Variants in ACVR1C observed in about 807,000 individuals in gnomAD.
ACVR1C encodes the protein activin A receptor type 1C, also known as activin receptor type-1C.
A neutral mutation model predicts 57.9 loss-of-function variants in ACVR1C; 23 were observed. That is an observed-to-expected ratio of 0.40 (90% CI 0.29 to 0.56). ACVR1C has a LOEUF of 0.56. Ranked by LOEUF, ACVR1C falls within the 20% of genes least tolerant of loss-of-function variation. ACVR1C has a pLI of 0.50. For missense variants in ACVR1C, 480 were observed against 607.9 expected (o/e 0.79, Z 2.21); for synonymous variants, 214 against 215.3 (o/e 0.99, Z 0.05).
intron 7 of ACVR1C, among the ~76,000 whole-genome samples, chr2:157,540,543 G>A (rs1412559402): frequency 1.3e-5 from 2 of 151,970 alleles, no homozygotes; most frequent in Non-Finnish European, 2.9e-5. Context: ...TGATCCGCCC[G>A]CCTCAGCCTC....
rs1340877550 is a variant in ACVR1C, at chr2:157,527,080, C to T, written c.*6838G>A. On this transcript the variant is annotated 3_prime_UTR_variant, in exon 9 of 9. Coordinates refer to ENST00000243349, the MANE Select transcript of ACVR1C (RefSeq NM_145259.3). ...ACTATTATTTCTAAATAAAATAAGTCTATACATATTACTATAAAATGCATA... is the reference window on the plus strand; with the variant it reads ...ACTATTATTTCTAAATAAAATAAGTTTATACATATTACTATAAAATGCATA... 3 of 152,056 alleles carry T rather than the reference C, an allele frequency of 2.0e-5. No individual in the cohort carries two copies. Among genetic ancestry groups the T allele is most frequent in the Non-Finnish European group, 4.4e-5 (3 of 67,996 alleles). 9.4% of individuals were successfully genotyped at this position (152,056 alleles called of 1,614,324 possible).
chr2:157,554,834 G>A (rs1375009388), intron 3 of ACVR1C, among the ~76,000 whole-genome samples: 1 of 151,938 alleles, frequency 6.6e-6, no homozygotes, highest in Admixed American at 6.6e-5. Context: ...AAGAGATGCA[G>A]GGGCCTCTGA....
chr2:157,545,943 T>G (rs1474729501), intron 4 of ACVR1C, among the ~76,000 whole-genome samples: 1 of 152,046 alleles, frequency 6.6e-6, no homozygotes, highest in South Asian at 2.1e-4. Context: ...CCCAGCTAAT[T>G]TTTTTATTTT....
chr2:157,553,398 T>TA (rs1209895850), intron 3 of ACVR1C, among the ~76,000 whole-genome samples: 2 of 146,746 alleles, frequency 1.4e-5, no homozygotes, highest in African/African-American at 5.0e-5. Context: ...ATTTACTACT[T>TA]TTTTTTTTTT....
chr2:157,612,078 G>A (rs1682547811), intron 1 of ACVR1C, among the ~76,000 whole-genome samples: 1 of 152,182 alleles, frequency 6.6e-6, no homozygotes, highest in South Asian at 2.1e-4. Flanking sequence ...AACAATGTGT[G>A]GGGAGCCTGT....
chr2:157,612,799 C>G (rs1177097718), intron 1 of ACVR1C, among the ~76,000 whole-genome samples: 4 of 152,196 alleles, frequency 2.6e-5, no homozygotes, highest in Non-Finnish European at 2.9e-5. Context: ...CACTGTGCCC[C>G]TGTAGCCCTT....
intron 1 of ACVR1C, among the ~76,000 whole-genome samples, chr2:157,602,440 C>T (rs1682300560): frequency 6.6e-6 from 1 of 152,166 alleles, no homozygotes; most frequent in South Asian, 2.1e-4. Context: ...AATGAAATTT[C>T]ATCTTCATAC....
At chr2:157,573,988 T>C (rs1402409575) in intron 2 of ACVR1C, among the ~76,000 whole-genome samples, 1 of 152,098 alleles carries the variant, frequency 6.6e-6, no homozygotes, top group Non-Finnish European at 1.5e-5. Flanking sequence ...GCACAATACA[T>C]CATGAATGAA....
At position 157,550,113 on chromosome 2, in the gene ACVR1C, G is replaced by A. The variant is rs757377194; in HGVS notation, c.775+49C>T. ...CATTTTTTTTTTGAGACAGAGTCTCGCTCTAGACAGCATTTTTTACTTGTT... is the reference window on the plus strand; with the variant it reads ...CATTTTTTTTTTGAGACAGAGTCTCACTCTAGACAGCATTTTTTACTTGTT... On this transcript the variant is annotated intron_variant, in intron 4 of 8. Transcript: ENST00000243349. 1.9e-5 allele frequency: 29 copies of A among 1,545,746 alleles called. 2 individuals are homozygous for A. Among genetic ancestry groups the A allele is most frequent in the South Asian group, 1.8e-4 (16 of 88,988 alleles).
At chr2:157,552,327 T>C (rs1375199511) in intron 3 of ACVR1C, among the ~76,000 whole-genome samples, 1 of 152,162 alleles carries the variant, frequency 6.6e-6, no homozygotes, top group Admixed American at 6.5e-5. Context: ...GAGAAGAGGT[T>C]TCACCATGTT....
chr2:157,605,565 C>T (rs1171896324), intron 1 of ACVR1C, among the ~76,000 whole-genome samples: 2 of 151,618 alleles, frequency 1.3e-5, no homozygotes, highest in Non-Finnish European at 3.0e-5. Flanking sequence ...TTCCATGACT[C>T]CTGAGGATAT....
intron 4 of ACVR1C, 76 bp downstream of exon 4, chr2:157,550,083 GACA>G (rs1324696660): frequency 5.7e-6 from 7 of 1,234,958 alleles, no homozygotes; most frequent in Admixed American, 4.1e-5. Flanking sequence ...TCTGATACTA[GACA>G]ACATTTTTTT....
chr2:157,563,084 A>G (rs1477834259), intron 2 of ACVR1C, among the ~76,000 whole-genome samples: 3 of 152,244 alleles, frequency 2.0e-5, no homozygotes, highest in Admixed American at 6.5e-5. Flanking sequence ...CTCTCTCACC[A>G]GTCTTATTGA....
chr2:157,546,840 A>C (rs1438069650), intron 4 of ACVR1C, among the ~76,000 whole-genome samples: 2 of 151,912 alleles, frequency 1.3e-5, no homozygotes, highest in Admixed American at 6.6e-5. Flanking sequence ...ATTATACTTT[A>C]AGTTTTAGGG....
chr2:157,593,419 G>A (rs1689088031), intron 1 of ACVR1C, among the ~76,000 whole-genome samples: 1 of 152,134 alleles, frequency 6.6e-6, no homozygotes, highest in Admixed American at 6.5e-5. Flanking sequence ...ATAAACATCT[G>A]ACATAAACTC....
intron 1 of ACVR1C, among the ~76,000 whole-genome samples, chr2:157,599,580 A>G (rs1026044116): frequency 6.6e-6 from 1 of 152,032 alleles, no homozygotes; most frequent in African/African-American, 2.4e-5. Context: ...CAGCCTGCAC[A>G]CTTTGGTCTA....
intron 1 of ACVR1C, among the ~76,000 whole-genome samples, chr2:157,603,714 A>T (rs1682330361): frequency 6.6e-6 from 1 of 152,156 alleles, no homozygotes; most frequent in South Asian, 2.1e-4. Context: ...CAAATTAAAC[A>T]TAACCTAATT....
chr2:157,576,257 G>A (rs1311318785), intron 2 of ACVR1C, among the ~76,000 whole-genome samples: 5 of 136,494 alleles, frequency 3.7e-5, no homozygotes, highest in African/African-American at 1.4e-4. Flanking sequence ...CCACGCTGGA[G>A]TGCAATGGCG....
At chr2:157,603,884 T>C (rs550749904) in intron 1 of ACVR1C, among the ~76,000 whole-genome samples, 12 of 152,236 alleles carry the variant, frequency 7.9e-5, no homozygotes, top group African/African-American at 2.9e-4. Flanking sequence ...AATATGTCTA[T>C]TGAATTAATG....
Sources: gnomAD v4.1 joint callset for allele counts (sites outside exome capture counted in the v4.1 genomes callset) on GRCh38, gnomAD v4.1.1 for gene constraint, MANE v1.5 for transcripts, NCBI Gene and HGNC (gene_info 2026-07-23, HGNC 2026-07-21) for gene names.